The following STIM2 variants were observed in gnomAD, a reference collection of about 807,000 sequenced individuals.
STIM2 encodes the protein stromal interaction molecule 2.
A neutral mutation model predicts 85.8 loss-of-function variants in STIM2; 31 were observed. The observed-to-expected ratio is 0.36, with a 90% CI of 0.27 to 0.49. The LOEUF is 0.49. STIM2 is among the 20% of genes least tolerant of loss of function. The pLI is 0.98. For synonymous variants in STIM2, 356 were observed against 331.1 expected, an observed-to-expected ratio of 1.08 and a Z score of -0.82; for missense variants, 841 against 927.6, an observed-to-expected ratio of 0.91 and a Z score of 1.21.
At chr4:26,916,250 C>A (rs1425380881) in intron 1 of STIM2, among the ~76,000 whole-genome samples, 1 of 152,178 alleles carries the variant, frequency 6.6e-6, no homozygotes, top group Non-Finnish European at 1.5e-5. Context: ...TTGAGTCTTA[C>A]TTTAAAGGAA....
intron 1 of STIM2, among the ~76,000 whole-genome samples, chr4:26,908,289 T>C (rs1002156581): frequency 1.3e-4 from 20 of 152,194 alleles, no homozygotes; most frequent in African/African-American, 4.8e-4. Context: ...TTGTGAGATA[T>C]AGGGAAAGAT....
chr4:26,970,404 C>A (rs554345724), intron 3 of STIM2, among the ~76,000 whole-genome samples: 12 of 151,984 alleles, frequency 7.9e-5, no homozygotes, highest in African/African-American at 2.9e-4. Context: ...AGCCCCCTAC[C>A]CCCTCACAGG....
At chr4:26,873,594 T>A (rs990410455) in intron 1 of STIM2, 6 of 472,078 alleles carry the variant, frequency 1.3e-5, no homozygotes, top group Non-Finnish European at 2.4e-5. Context: ...GGGTGTGAAG[T>A]TTTGGTGATC....
At chr4:27,007,427 A>G (rs1002536680) in intron 7 of STIM2, 106 bp from the exon 8 acceptor site, 3 of 764,992 alleles carry the variant, frequency 3.9e-6, no homozygotes, top group Non-Finnish European at 5.8e-6. Flanking sequence ...TACAAAGAGC[A>G]TAATTAAAAT....
At chr4:26,970,162 A>G (rs1368149012) in intron 3 of STIM2, among the ~76,000 whole-genome samples, 1 of 146,010 alleles carries the variant, frequency 6.8e-6, no homozygotes, top group Non-Finnish European at 1.5e-5. Context: ...TCTGTATCCA[A>G]TCTGTTTTAG....
chr4:26,922,635 C>T (rs1724847138), intron 2 of STIM2, among the ~76,000 whole-genome samples: 1 of 152,168 alleles, frequency 6.6e-6, no homozygotes. Context: ...GCCCACCAGC[C>T]TGGAAGCTCT....
chr4:27,008,918 A>C lies in STIM2; in HGVS notation c.1405A>C (p.Arg469=). The stretch of plus-strand genomic sequence containing the variant: ...TGATCACAGCTGGGTGGTGATGCCC[A>C]GAGTCTCCATTCCACCCTATCCAAT... Residue 469 remains arginine (R), a synonymous_variant, in exon 10 of 12, where the codon AGA becomes CGA. Coordinates refer to ENST00000467087, the MANE Select transcript of STIM2 (RefSeq NM_020860.4). 6 of 1,614,184 alleles carry C rather than the reference A, an allele frequency of 3.7e-6. No individual in the cohort carries two copies. The highest frequency in any genetic ancestry group is 5.1e-6 in the Non-Finnish European group (6 of 1,180,038).
At chr4:26,943,943 T>G (rs1725718102) in intron 2 of STIM2, among the ~76,000 whole-genome samples, 2 of 152,286 alleles carry the variant, frequency 1.3e-5, no homozygotes, top group South Asian at 2.1e-4. Flanking sequence ...AACAGTTTAA[T>G]TATCTTGGAG....
At chr4:26,992,847 C>T (rs1259908932) in intron 3 of STIM2, among the ~76,000 whole-genome samples, 1 of 152,034 alleles carries the variant, frequency 6.6e-6, no homozygotes, top group African/African-American at 2.4e-5. Context: ...AGTGAATCTC[C>T]CCCCAAAATA....
chr4:26,912,109 T>G (rs1214584516), intron 1 of STIM2, among the ~76,000 whole-genome samples: 8 of 152,212 alleles, frequency 5.3e-5, no homozygotes, highest in Non-Finnish European at 1.0e-4. Context: ...AAGTATTTGA[T>G]TCGGTAAATG....
intron 1 of STIM2, among the ~76,000 whole-genome samples, chr4:26,862,017 G>A (rs1013837964): frequency 2.0e-5 from 3 of 152,128 alleles, no homozygotes; most frequent in African/African-American, 7.2e-5. Context: ...GTGACAAAGG[G>A]TGTAGAAACC....
At chr4:27,015,766 A>G (rs2109143183) in intron 10 of STIM2, among the ~76,000 whole-genome samples, 1 of 145,476 alleles carries the variant, frequency 6.9e-6, no homozygotes, top group South Asian at 2.2e-4. Flanking sequence ...TCCCTATAAT[A>G]TGATTGGGTG....
At chr4:26,983,202 A>G (rs1182447103) in intron 3 of STIM2, among the ~76,000 whole-genome samples, 1 of 152,226 alleles carries the variant, frequency 6.6e-6, no homozygotes, top group East Asian at 1.9e-4. Context: ...GTGGAAATGA[A>G]TCAGTCTTTT....
chr4:26,938,615 T>C (rs60890366), intron 2 of STIM2, among the ~76,000 whole-genome samples: 32,693 of 152,152 alleles, frequency 0.21, 3,574 homozygotes, highest in East Asian at 0.41. Flanking sequence ...GAGAGAGTTC[T>C]GCTCTAGAAA....
At chr4:27,009,097 A>G (rs1342312996) in intron 10 of STIM2, 95 bp downstream of exon 10, 1 of 1,108,554 alleles carries the variant, frequency 9.0e-7, no homozygotes, top group East Asian at 2.4e-5. Flanking sequence ...AATCTGTGAG[A>G]AAAAATTGGG....
At chr4:27,021,170 T>A in intron 11 of STIM2, 1 of 1,069,766 alleles carries the variant, frequency 9.3e-7, no homozygotes, top group Admixed American at 2.1e-5. Flanking sequence ...ATGAAGTACC[T>A]ACCGTAAACT....
intron 1 of STIM2, among the ~76,000 whole-genome samples, chr4:26,875,238 T>A (rs1722775181): frequency 6.6e-6 from 1 of 152,212 alleles, no homozygotes; most frequent in Non-Finnish European, 1.5e-5. Flanking sequence ...TTTTGCCATA[T>A]GCTATATAGT....
intron 1 of STIM2, among the ~76,000 whole-genome samples, chr4:26,870,005 G>A (rs1722552216): frequency 6.6e-6 from 1 of 151,872 alleles, no homozygotes; most frequent in African/African-American, 2.4e-5. Flanking sequence ...TGCCATTTGC[G>A]GCAACATGGA....
At chr4:26,923,098 AC>A (rs1011815348) in intron 2 of STIM2, among the ~76,000 whole-genome samples, 6 of 149,608 alleles carry the variant, frequency 4.0e-5, no homozygotes, top group African/African-American at 1.5e-4. Flanking sequence ...ACTGGGAGGC[AC>A]CCCCCAGCAG....
Sources: allele counts gnomAD v4.1 joint callset (sites outside exome capture counted in the v4.1 genomes callset), GRCh38; gene constraint gnomAD v4.1.1; transcripts MANE v1.5; gene names NCBI Gene and HGNC (gene_info 2026-07-23, HGNC 2026-07-21).